TRMT11: variants seen among roughly 807,000 people sequenced by gnomAD.
The protein encoded by TRMT11 is tRNA methyltransferase 11.
Under a neutral mutation model 62.8 loss-of-function variants are expected in TRMT11, and 53 were observed. That is an observed-to-expected ratio of 0.84 (90% CI 0.68 to 1.06). TRMT11 has a LOEUF of 1.06. TRMT11 is among the 50% of genes least tolerant of loss of function. The probability of loss-of-function intolerance (pLI) is 0.00; values close to 1 mark genes in which losing one functional copy is unlikely to be tolerated. For missense variants in TRMT11, 556 were observed against 553.4 expected (o/e 1.00, Z -0.05); for synonymous variants, 188 against 190.3 (o/e 0.99, Z 0.10).
chr6:126,269,893 G>A, the TRMT11 span, among the ~76,000 whole-genome samples: 1 of 152,184 alleles, frequency 6.6e-6, no homozygotes. Flanking sequence ...ATAAGGATAA[G>A]TCAGAAAACA....
At chr6:126,107,980 T>G (rs1048317542) in intron 17 of TRMT11, among the ~76,000 whole-genome samples, 5 of 152,204 alleles carry the variant, frequency 3.3e-5, no homozygotes, top group African/African-American at 1.2e-4. Context: ...ATCTGCTTAG[T>G]CTCTGATTAT....
intron 21 of TRMT11, among the ~76,000 whole-genome samples, chr6:126,171,163 G>A (rs1562339923): frequency 6.6e-6 from 1 of 152,162 alleles, no homozygotes; most frequent in African/African-American, 2.4e-5. Flanking sequence ...TTATTCTGGG[G>A]AGGCCATAAC....
At chr6:126,241,961 G>C in the TRMT11 span, among the ~76,000 whole-genome samples, 4 of 152,238 alleles carry the variant, frequency 2.6e-5, no homozygotes, top group Non-Finnish European at 5.9e-5. Flanking sequence ...AGGAAATAAA[G>C]GGTATTCCAT....
chr6:126,211,071 C>A, the TRMT11 span, among the ~76,000 whole-genome samples: 40 of 148,308 alleles, frequency 2.7e-4, no homozygotes, highest in African/African-American at 1.0e-3. Flanking sequence ...AAGGTGAATA[C>A]AAACAATGAG....
At chr6:126,016,081 A>G (rs1258876939) in intron 11 of TRMT11, among the ~76,000 whole-genome samples, 1 of 152,080 alleles carries the variant, frequency 6.6e-6, no homozygotes, top group African/African-American at 2.4e-5. Context: ...GATTACACTA[A>G]TATCTTGTTT....
Position 126,008,481 on chromosome 6 carries a change from A to G in TRMT11, c.760+9A>G. On this transcript the variant is annotated intron_variant, in intron 8 of 12. Coordinates refer to ENST00000334379, the MANE Select transcript of TRMT11 (RefSeq NM_001031712.3). Reference sequence around the variant, plus strand: ...CACAGTTCATGGCTTGGGTGAGTAGAGATTATAGACAGTATTATAGTCATT... The same window carrying G: ...CACAGTTCATGGCTTGGGTGAGTAGGGATTATAGACAGTATTATAGTCATT... 6.2e-7 allele frequency: 1 copy of G among 1,608,196 alleles called. No homozygotes were observed.
At chr6:126,250,043 C>T in the TRMT11 span, among the ~76,000 whole-genome samples, 23 of 152,284 alleles carry the variant, frequency 1.5e-4, no homozygotes, top group Non-Finnish European at 2.5e-4. Flanking sequence ...GACTTTGTTA[C>T]ACTCTTCGTT....
chr6:126,194,264 A>G (rs896264296), intron 1 of TRMT11, among the ~76,000 whole-genome samples: 1 of 152,132 alleles, frequency 6.6e-6, no homozygotes, highest in Non-Finnish European at 1.5e-5. Context: ...GTCCCCTACT[A>G]TTATTATATT....
the TRMT11 span, among the ~76,000 whole-genome samples, chr6:126,246,730 TA>T: frequency 6.6e-6 from 1 of 151,768 alleles, no homozygotes; most frequent in African/African-American, 2.4e-5. Flanking sequence ...GTTGAGGGAG[TA>T]AGGTTTCTGG....
chr6:126,107,187 A>G (rs1261371073), intron 17 of TRMT11, among the ~76,000 whole-genome samples: 1 of 152,184 alleles, frequency 6.6e-6, no homozygotes, highest in Non-Finnish European at 1.5e-5. Context: ...AAAAATGAGA[A>G]TATAGTGCTG....
chr6:126,195,345 T>A (rs952947136), intron 1 of TRMT11, among the ~76,000 whole-genome samples: 1 of 152,248 alleles, frequency 6.6e-6, no homozygotes, highest in Non-Finnish European at 1.5e-5. Context: ...GCTTGTCTTA[T>A]GTTCACACAT....
chr6:126,195,568 A>G (rs1778656073), intron 1 of TRMT11, among the ~76,000 whole-genome samples: 1 of 152,202 alleles, frequency 6.6e-6, no homozygotes, highest in South Asian at 2.1e-4. Context: ...ATTTCTGGAA[A>G]CATTGTTGTT....
intron 11 of TRMT11, among the ~76,000 whole-genome samples, chr6:126,018,628 T>G (rs1281055431): frequency 6.6e-6 from 1 of 151,532 alleles, no homozygotes; most frequent in Non-Finnish European, 1.5e-5. Context: ...CAGACATTAG[T>G]AGTTACCACC....
At chr6:126,268,443 G>A in the TRMT11 span, among the ~76,000 whole-genome samples, 98 of 152,274 alleles carry the variant, frequency 6.4e-4, 2 homozygotes, top group African/African-American at 2.2e-3. Flanking sequence ...AGAAGATGCT[G>A]GGATGAGGGG....
At chr6:126,256,810 C>A in the TRMT11 span, among the ~76,000 whole-genome samples, 1 of 152,148 alleles carries the variant, frequency 6.6e-6, no homozygotes, top group East Asian at 1.9e-4. Context: ...CTTTTATTCT[C>A]TGAGTCATCC....
At chr6:126,093,804 A>G (rs1777310192) in intron 17 of TRMT11, among the ~76,000 whole-genome samples, 1 of 151,376 alleles carries the variant, frequency 6.6e-6, no homozygotes, top group South Asian at 2.1e-4. Context: ...TACACTCTAA[A>G]ACTAGTAAGT....
intron 19 of TRMT11, among the ~76,000 whole-genome samples, chr6:126,115,222 C>T (rs1777574080): frequency 6.6e-6 from 1 of 152,252 alleles, no homozygotes; most frequent in East Asian, 1.9e-4. Context: ...ACCTCCAAAT[C>T]TCTTTCCTTT....
At chr6:126,012,411 A>G (rs1466924274) in intron 9 of TRMT11, among the ~76,000 whole-genome samples, 1 of 152,182 alleles carries the variant, frequency 6.6e-6, no homozygotes, top group African/African-American at 2.4e-5. Flanking sequence ...ACTTTCATCT[A>G]CAGTTTGCCA....
intron 16 of TRMT11, among the ~76,000 whole-genome samples, chr6:126,051,211 C>T (rs945061331): frequency 2.0e-5 from 3 of 152,142 alleles, no homozygotes; most frequent in African/African-American, 7.2e-5. Flanking sequence ...CCTACAGCAC[C>T]ATCCCTGAAG....
Sources: gnomAD v4.1 joint callset for allele counts (sites outside exome capture counted in the v4.1 genomes callset) on GRCh38, gnomAD v4.1.1 for gene constraint, MANE v1.5 for transcripts, NCBI Gene and HGNC (gene_info 2026-07-23, HGNC 2026-07-21) for gene names.